Variants in SLC22A4 observed in about 807,000 individuals in gnomAD.
SLC22A4 encodes solute carrier family 22 member 4.
In SLC22A4, 39 loss-of-function variants were observed where a neutral mutation model predicts 56.6. The observed-to-expected ratio is 0.69, with a 90% CI of 0.53 to 0.90. The LOEUF is 0.90. Among genes scored for constraint, SLC22A4 ranks in the 40% least tolerant of loss-of-function variants. The pLI, the probability that SLC22A4 is intolerant of heterozygous loss-of-function variation, is 0.00. For synonymous variants in SLC22A4, 241 were observed against 281.4 expected, an observed-to-expected ratio of 0.86 and a Z score of 1.44; for missense variants, 594 against 696.5, an observed-to-expected ratio of 0.85 and a Z score of 1.66.
chr5:132,329,684 C>CG (rs1750801132), intron 5 of SLC22A4, among the ~76,000 whole-genome samples: 2 of 152,118 alleles, frequency 1.3e-5, no homozygotes, highest in Non-Finnish European at 2.9e-5. Context: ...TCTTAGAAAG[C>CG]AATCTCAAGC....
intron 5 of SLC22A4, 102 bp downstream of exon 5, chr5:132,327,505 G>C: frequency 1.0e-6 from 1 of 964,180 alleles, no homozygotes; most frequent in Non-Finnish European, 1.7e-6. Context: ...TATGTACCAG[G>C]CATTGCACTA....
intron 1 of SLC22A4, among the ~76,000 whole-genome samples, chr5:132,310,702 A>G (rs1263489001): frequency 6.6e-6 from 1 of 152,244 alleles, no homozygotes; most frequent in African/African-American, 2.4e-5. Flanking sequence ...TCTCTAGGAC[A>G]GGACTATTCT....
chr5:132,296,854 G>A (rs142440775), intron 1 of SLC22A4, among the ~76,000 whole-genome samples: 2,588 of 152,284 alleles, frequency 0.017, 76 homozygotes, highest in African/African-American at 0.06. Context: ...TAGGGCGTGA[G>A]GGGTGAGTAG....
intron 4 of SLC22A4, among the ~76,000 whole-genome samples, chr5:132,324,824 A>T (rs1750644525): frequency 6.6e-6 from 1 of 152,228 alleles, no homozygotes; most frequent in South Asian, 2.1e-4. Context: ...TTGGCACTCC[A>T]TTGACTTTTG....
At chr5:132,328,826 TATATATATATATACACAC>T (rs953522660) in intron 5 of SLC22A4, among the ~76,000 whole-genome samples, 3 of 17,734 alleles carry the variant, frequency 1.7e-4, no homozygotes, top group Admixed American at 7.0e-4. Flanking sequence ...AGTGCCTTTA[TATATATATATATACACAC>T]ACACACACAC....
Position 132,340,545 on chromosome 5 carries a change from T to C in SLC22A4, c.1445-20T>C, listed in dbSNP as rs1751183062. 5.6e-6 allele frequency: 9 copies of C among 1,613,336 alleles called. No homozygotes were observed. Among genetic ancestry groups the C allele is most frequent in the Non-Finnish European group, 6.8e-6 (8 of 1,179,390 alleles). On this transcript the variant is annotated intron_variant, in intron 8 of 9. Coordinates refer to ENST00000200652, the MANE Select transcript of SLC22A4 (RefSeq NM_003059.3). Reference sequence around the variant, plus strand: ...GAGTCCTCCTATCTGATTGATGTTCTTATGTCCCGGGCTTTACAGGTGCTT... The same window carrying C: ...GAGTCCTCCTATCTGATTGATGTTCCTATGTCCCGGGCTTTACAGGTGCTT...
intron 4 of SLC22A4, among the ~76,000 whole-genome samples, chr5:132,322,978 G>C (rs1750588341): frequency 1.3e-5 from 2 of 152,292 alleles, no homozygotes; most frequent in South Asian, 4.1e-4. Context: ...CTATCTGGGG[G>C]ATTTCAGGTG....
At chr5:132,300,096 A>G (rs1435625898) in intron 1 of SLC22A4, among the ~76,000 whole-genome samples, 3 of 152,110 alleles carry the variant, frequency 2.0e-5, no homozygotes. Flanking sequence ...TTTTATGAGT[A>G]TTTTGATGAA....
intron 1 of SLC22A4, among the ~76,000 whole-genome samples, chr5:132,307,283 C>T (rs945652919): frequency 5.9e-5 from 9 of 152,176 alleles, no homozygotes; most frequent in Non-Finnish European, 1.3e-4. Context: ...CTACTTCTTA[C>T]TTTTCTCTAG....
At chr5:132,332,078 C>T in intron 6 of SLC22A4, 1 of 478,056 alleles carries the variant, frequency 2.1e-6, no homozygotes, top group Non-Finnish European at 3.8e-6. Flanking sequence ...CTTTGGGAGG[C>T]CAAGGTGGGC....
At chr5:132,335,619 G>A (rs1339031236) in intron 7 of SLC22A4, among the ~76,000 whole-genome samples, 199 bp from the exon 8 acceptor site, 1 of 152,160 alleles carries the variant, frequency 6.6e-6, no homozygotes, top group Non-Finnish European at 1.5e-5. Flanking sequence ...GTAGAACAAA[G>A]TACAAAGCCA....
rs1580814602 is a variant in SLC22A4 at position 132,294,734 on chromosome 5, G to A, written c.118G>A (p.Val40Met). 6.2e-7 allele frequency: 1 copy of A among 1,614,032 alleles called. No homozygotes were observed. The highest frequency in any genetic ancestry group is 8.5e-7 in the Non-Finnish European group (1 of 1,180,040). ...CAATGGCTTCAATGGTATGTCAGTC[G>A]TGTTCCTGGCGGGGACCCCGGAGCA... ...IPNGFNGMSV[V>M]FLAGTPEHRC... The change falls in exon 1 of 10, where the codon GTG becomes ATG. Residue 40 changes from valine to methionine, a missense_variant. Coordinates refer to ENST00000200652, the MANE Select transcript of SLC22A4 (RefSeq NM_003059.3). The surrounding 1 kb of genome is among the most constrained non-coding windows in gnomAD (Gnocchi z 5.6).
chr5:132,316,232 C>T (rs1279510767), intron 3 of SLC22A4, among the ~76,000 whole-genome samples: 2 of 152,136 alleles, frequency 1.3e-5, no homozygotes, highest in East Asian at 3.9e-4. Context: ...TTGTTTTGTG[C>T]TGCTTTTAAA....
At chr5:132,312,672 C>G (rs2126711233) in intron 2 of SLC22A4, among the ~76,000 whole-genome samples, 1 of 152,306 alleles carries the variant, frequency 6.6e-6, no homozygotes, top group South Asian at 2.1e-4. Flanking sequence ...ACAGTGAGCC[C>G]CAACTGTGCA....
At chr5:132,306,385 AT>A (rs1297481068) in intron 1 of SLC22A4, among the ~76,000 whole-genome samples, 55 of 1,422 alleles carry the variant, frequency 0.039, no homozygotes, top group African/African-American at 0.14. Context: ...AAACCGTGAA[AT>A]ATATATATAT....
Position 132,335,954 on chromosome 5 carries a change from G to C in SLC22A4, c.1398G>C (p.Thr466=), listed in dbSNP as rs201228074. The C allele has an allele frequency of 1.2e-6, 2 of 1,613,970 alleles. No homozygotes were observed. The highest frequency in any genetic ancestry group is 1.7e-6 in the Non-Finnish European group (2 of 1,179,988). ...ACATGGCGGTGGGGGTCACATCCAC[G>C]GCCTCCAGAGTGGGCAGCATCATTG... is the stretch of plus-strand genomic sequence containing the variant. ...VRNMAVGVTS[T]ASRVGSIIAP... The change falls in exon 8 of 10, where the codon ACG becomes ACC. Residue 466 remains threonine (T), a synonymous_variant. Transcript: ENST00000200652.
chr5:132,304,407 G>A (rs575787680), intron 1 of SLC22A4, among the ~76,000 whole-genome samples: 2 of 152,244 alleles, frequency 1.3e-5, no homozygotes, highest in Admixed American at 6.5e-5. Flanking sequence ...ACCTGAGGCC[G>A]GGAGTTTGAG....
chr5:132,328,625 C>T (rs1291882668), intron 5 of SLC22A4, among the ~76,000 whole-genome samples: 1 of 152,074 alleles, frequency 6.6e-6, no homozygotes, highest in Admixed American at 6.5e-5. Flanking sequence ...TCTAACACTT[C>T]TGCCCTTCAG....
chr5:132,338,929 T>C (rs907711781), intron 8 of SLC22A4, among the ~76,000 whole-genome samples: 7 of 152,160 alleles, frequency 4.6e-5, no homozygotes, highest in Non-Finnish European at 8.8e-5. Flanking sequence ...GATTAAGAGA[T>C]TAAAGACAGG....
Sources: gnomAD v4.1 joint callset for allele counts (sites outside exome capture counted in the v4.1 genomes callset) on GRCh38, gnomAD v4.1.1 for gene constraint, Gnocchi (gnomAD v3.1) non-coding constraint, MANE v1.5 for transcripts, NCBI Gene and HGNC (gene_info 2026-07-23, HGNC 2026-07-21) for gene names.